The following RAB38 variants were observed in gnomAD, a reference collection of about 807,000 sequenced individuals.
RAB38 encodes the protein RAB38, member RAS oncogene family.
In RAB38, 15 loss-of-function variants were observed where a neutral mutation model predicts 18.4. That is an observed-to-expected ratio of 0.82 (90% CI 0.55 to 1.26). RAB38 has a LOEUF of 1.26. RAB38 is among the 50% of genes most tolerant of loss of function. The pLI is 0.00. For synonymous variants in RAB38, 101 were observed against 104.4 expected (o/e 0.97, Z 0.20); for missense variants, 294 against 267.4 (o/e 1.10, Z -0.69).
the RAB38 span, among the ~76,000 whole-genome samples, chr11:87,899,791 C>A: frequency 1.3e-5 from 2 of 151,598 alleles, no homozygotes; most frequent in Non-Finnish European, 3.0e-5. Flanking sequence ...AAATAAGATA[C>A]AACTGCCAGA....
At chr11:88,155,821 A>C (rs1943118536) in intron 1 of RAB38, among the ~76,000 whole-genome samples, 1 of 152,218 alleles carries the variant, frequency 6.6e-6, no homozygotes, top group South Asian at 2.1e-4. Flanking sequence ...ATAAATCTTA[A>C]AAAGTAATTA....
At chr11:87,893,356 T>G in the RAB38 span, among the ~76,000 whole-genome samples, 3 of 56,528 alleles carry the variant, frequency 5.3e-5, no homozygotes, top group African/African-American at 2.4e-4. Context: ...CACATATATA[T>G]ACCTATATAT....
intron 1 of RAB38, among the ~76,000 whole-genome samples, chr11:88,157,853 T>C (rs965245513): frequency 2.6e-5 from 4 of 152,030 alleles, no homozygotes; most frequent in African/African-American, 7.2e-5. Flanking sequence ...GTTTATGGTG[T>C]TAAATGGCTA....
intron 2 of RAB38, among the ~76,000 whole-genome samples, chr11:88,148,892 T>C (rs1295869424): frequency 6.6e-6 from 1 of 152,214 alleles, no homozygotes; most frequent in African/African-American, 2.4e-5. Flanking sequence ...TATGGTTTTT[T>C]ATGGATTTTC....
chr11:88,039,418 G>T, the RAB38 span, among the ~76,000 whole-genome samples: 1 of 151,986 alleles, frequency 6.6e-6, no homozygotes, highest in African/African-American at 2.4e-5. Context: ...GCAGAGATTT[G>T]CTTAACAGGT....
chr11:87,899,360 T>C, the RAB38 span, among the ~76,000 whole-genome samples: 1 of 151,794 alleles, frequency 6.6e-6, no homozygotes, highest in East Asian at 2.0e-4. Context: ...AAATGTCATT[T>C]ATTAGCTAAG....
chr11:87,842,270 G>C, the RAB38 span, among the ~76,000 whole-genome samples: 2 of 152,180 alleles, frequency 1.3e-5, no homozygotes, highest in African/African-American at 4.8e-5. Flanking sequence ...CCCTAGGGAA[G>C]AGACAATGGA....
the RAB38 span, among the ~76,000 whole-genome samples, chr11:87,950,777 C>G: frequency 6.6e-6 from 1 of 152,186 alleles, no homozygotes; most frequent in Non-Finnish European, 1.5e-5. Context: ...ATGGCCTTCC[C>G]TTTGTGGGTA....
At chr11:87,949,655 A>G in the RAB38 span, among the ~76,000 whole-genome samples, 18 of 152,236 alleles carry the variant, frequency 1.2e-4, no homozygotes, top group South Asian at 6.2e-4. Context: ...GTACCCACTA[A>G]TCATTCAGGA....
the RAB38 span, among the ~76,000 whole-genome samples, chr11:87,947,371 G>A: frequency 7.3e-6 from 1 of 136,290 alleles, no homozygotes. Flanking sequence ...TTCTTTTGCT[G>A]TGCAGAAGCT....
chr11:88,149,192 C>T (rs531388010), intron 2 of RAB38, among the ~76,000 whole-genome samples: 1 of 152,318 alleles, frequency 6.6e-6, no homozygotes, highest in South Asian at 2.1e-4. Context: ...TCTGTTACCC[C>T]ACTATTCCGG....
chr11:88,088,386 A>C, the RAB38 span, among the ~76,000 whole-genome samples: 1 of 151,910 alleles, frequency 6.6e-6, no homozygotes, highest in Non-Finnish European at 1.5e-5. Context: ...AGTTGTACCC[A>C]ATTAGTGATG....
chr11:87,920,780 A>C, the RAB38 span, among the ~76,000 whole-genome samples: 1 of 152,052 alleles, frequency 6.6e-6, no homozygotes, highest in African/African-American at 2.4e-5. Context: ...TTCTCCCTTC[A>C]GATCTATTAA....
At chr11:87,856,220 T>C in the RAB38 span, among the ~76,000 whole-genome samples, 1 of 152,180 alleles carries the variant, frequency 6.6e-6, no homozygotes, top group Non-Finnish European at 1.5e-5. Flanking sequence ...CTGACCAATG[T>C]AATTGAGTGG....
downstream of RAB38, among the ~76,000 whole-genome samples, chr11:88,111,079 T>C (rs1942467543): frequency 6.6e-6 from 1 of 152,232 alleles, no homozygotes; most frequent in South Asian, 2.1e-4. Flanking sequence ...CCTGACACCA[T>C]ACGTGATGCC....
the RAB38 span, among the ~76,000 whole-genome samples, chr11:88,080,053 TA>T: frequency 6.6e-6 from 1 of 151,110 alleles, no homozygotes; most frequent in East Asian, 1.9e-4. Context: ...GTTCAATAAA[TA>T]AAAAAACAAA....
chr11:88,174,976 C>A (rs1412350901), intron 1 of RAB38, among the ~76,000 whole-genome samples: 1 of 152,276 alleles, frequency 6.6e-6, no homozygotes, highest in Non-Finnish European at 1.5e-5. Flanking sequence ...CGGGAAGGAG[C>A]TAAAGCAATA....
chr11:88,071,286 A>T, the RAB38 span, among the ~76,000 whole-genome samples: 8 of 151,470 alleles, frequency 5.3e-5, no homozygotes, highest in Non-Finnish European at 1.2e-4. Flanking sequence ...GCAAGCAGAG[A>T]TATACCACTT....
At chr11:88,084,313 T>TA in the RAB38 span, among the ~76,000 whole-genome samples, 720 of 149,992 alleles carry the variant, frequency 4.8e-3, 4 homozygotes, top group African/African-American at 0.017. Flanking sequence ...GGGCTAGAAT[T>TA]AAAAAAAAAG....
Sources: allele counts gnomAD v4.1 joint callset (sites outside exome capture counted in the v4.1 genomes callset), GRCh38; gene constraint gnomAD v4.1.1; transcripts MANE v1.5; gene names NCBI Gene and HGNC (gene_info 2026-07-23, HGNC 2026-07-21).